Variants in CYYR1 observed in about 807,000 individuals in gnomAD.
CYYR1 encodes cysteine and tyrosine rich 1, also known as cysteine and tyrosine-rich protein 1.
Under a neutral mutation model 15.2 loss-of-function variants are expected in CYYR1, and 14 were observed. The ratio of observed to expected loss-of-function variants is 0.92; its 90% CI spans 0.61 to 1.44. CYYR1 has a LOEUF of 1.44. CYYR1 is among the 40% of genes most tolerant of loss of function. The pLI is 0.00. For synonymous variants in CYYR1, 80 were observed against 77.4 expected (o/e 1.03, Z -0.18); for missense variants, 228 against 209.5 (o/e 1.09, Z -0.54).
intron 3 of CYYR1, among the ~76,000 whole-genome samples, chr21:26,469,679 T>A (rs549808093): frequency 1.3e-5 from 2 of 152,272 alleles, no homozygotes; most frequent in East Asian, 3.9e-4. Context: ...ATATTATTGT[T>A]GACTATAGTC....
chr21:26,540,320 C>T (rs532225975), intron 2 of CYYR1, among the ~76,000 whole-genome samples: 2 of 152,270 alleles, frequency 1.3e-5, no homozygotes, highest in Admixed American at 6.5e-5. Context: ...GAGTAGCGTT[C>T]CATTGATAAG....
At chr21:26,499,781 G>A (rs941409651) in intron 2 of CYYR1, among the ~76,000 whole-genome samples, 3 of 151,860 alleles carry the variant, frequency 2.0e-5, no homozygotes, top group Non-Finnish European at 4.4e-5. Context: ...TTTTTGAGCA[G>A]TGGAAAGGAA....
intron 2 of CYYR1, among the ~76,000 whole-genome samples, chr21:26,539,884 A>G (rs1014525810): frequency 3.3e-5 from 5 of 152,198 alleles, no homozygotes; most frequent in African/African-American, 9.7e-5. Flanking sequence ...TGATGCATTC[A>G]TAAGTAGCAT....
chr21:26,564,859 T>A (rs1052254497), intron 2 of CYYR1: 48 of 1,132,178 alleles, frequency 4.2e-5, no homozygotes, highest in South Asian at 9.1e-5. Context: ...AAAAAAAAAA[T>A]TTAAATTTAT....
Position 26,480,162 on chromosome 21 carries a change from T to C in CYYR1, c.334+110A>G. ...AATCTACATGTACCTAGAAATACTC[T>C]ATGAAATTGAAGGTGGTTTCATTGA... On this transcript the variant is annotated intron_variant, in intron 3 of 3. Transcript: ENST00000652641. 1.5e-5 allele frequency: 16 copies of C among 1,096,436 alleles called. No individual in the cohort carries two copies. The South Asian group carries it at 2.9e-4, about 20-fold the overall frequency. The allele number at this position is 1,096,436 out of a possible 1,614,324, so 67.9% of individuals were successfully genotyped here. A position where few individuals can be genotyped will look rare whatever the true frequency, so the allele number is the denominator to read the frequency against.
At chr21:26,470,998 TAC>T (rs2065026032) in intron 3 of CYYR1, 1 of 152,218 alleles carries the variant, frequency 6.6e-6, no homozygotes. Context: ...GATGCATATA[TAC>T]AGTTTCCCCA....
At chr21:26,568,262 G>A (rs1479686409) in intron 1 of CYYR1, 1 of 151,996 alleles carries the variant, frequency 6.6e-6, no homozygotes, top group African/African-American at 2.4e-5. Context: ...TTATCCCAAG[G>A]GCTTAGTGGG....
chr21:26,565,580 GAGGC>G (rs1980557854), intron 2 of CYYR1, among the ~76,000 whole-genome samples: 1 of 152,140 alleles, frequency 6.6e-6, no homozygotes, highest in South Asian at 2.1e-4. Context: ...TACAGCCCTG[GAGGC>G]AGGTCCAGCT....
At chr21:26,493,349 G>C (rs2065353608) in intron 2 of CYYR1, among the ~76,000 whole-genome samples, 1 of 152,104 alleles carries the variant, frequency 6.6e-6, no homozygotes, top group African/African-American at 2.4e-5. Context: ...ACTGCATCCA[G>C]GCATTCTAAT....
chr21:26,519,987 C>A (rs1442532768), intron 2 of CYYR1, among the ~76,000 whole-genome samples: 1 of 151,596 alleles, frequency 6.6e-6, no homozygotes, highest in African/African-American at 2.4e-5. Context: ...ACCCAAATGT[C>A]CATCAATGAC....
At chr21:26,498,938 C>G (rs940515205) in intron 2 of CYYR1, among the ~76,000 whole-genome samples, 1 of 152,174 alleles carries the variant, frequency 6.6e-6, no homozygotes, top group African/African-American at 2.4e-5. Flanking sequence ...GTCCCTCCCA[C>G]AACACATGGG....
At chr21:26,559,855 T>G (rs1980077994) in intron 2 of CYYR1, among the ~76,000 whole-genome samples, 1 of 152,206 alleles carries the variant, frequency 6.6e-6, no homozygotes, top group Non-Finnish European at 1.5e-5. Flanking sequence ...AACTTTATAA[T>G]AAATCTTGAT....
chr21:26,472,086 A>G (rs1345902461), intron 3 of CYYR1, among the ~76,000 whole-genome samples: 1 of 152,204 alleles, frequency 6.6e-6, no homozygotes, highest in Non-Finnish European at 1.5e-5. Context: ...CCCCAATTTA[A>G]CAAATCATAT....
chr21:26,527,277 G>A (rs749396116), intron 2 of CYYR1, among the ~76,000 whole-genome samples: 3 of 152,098 alleles, frequency 2.0e-5, no homozygotes, highest in Non-Finnish European at 4.4e-5. Flanking sequence ...AATAAACTAG[G>A]GTTTGGAATT....
chr21:26,539,513 A>G (rs1978397312), intron 2 of CYYR1, among the ~76,000 whole-genome samples: 1 of 152,226 alleles, frequency 6.6e-6, no homozygotes, highest in Admixed American at 6.5e-5. Flanking sequence ...TGAGAAGTCT[A>G]ACTCCTATTT....
intron 2 of CYYR1, among the ~76,000 whole-genome samples, chr21:26,536,751 T>A (rs1978305755): frequency 6.6e-6 from 1 of 151,556 alleles, no homozygotes; most frequent in African/African-American, 2.4e-5. Context: ...CACCACTGCA[T>A]CACAGTCCTT....
Position 26,572,962 on chromosome 21 carries a change from T to G in CYYR1, c.-22A>C. ...CCATCCAAGCCGGTGGCCTGAGGCT[T>G]GGAGCGAAGGGAGAGCCCGGAACCG... is the stretch of plus-strand genomic sequence containing the variant. On this transcript the variant is annotated 5_prime_UTR_variant, in exon 1 of 4. Transcript: ENST00000652641. The G allele has an allele frequency of 6.2e-7, 1 of 1,613,370 alleles. No individual in the cohort carries two copies. The highest frequency in any genetic ancestry group is 1.1e-5 in the South Asian group (1 of 90,990).
intron 2 of CYYR1, among the ~76,000 whole-genome samples, chr21:26,544,534 G>A (rs222952): frequency 0.024 from 3,665 of 152,204 alleles, 55 homozygotes; most frequent in African/African-American, 0.031. Flanking sequence ...TAAGAATGCC[G>A]TGTTTATAAA....
At chr21:26,566,199 A>G in intron 2 of CYYR1, 67 bp downstream of exon 2, 1 of 1,209,976 alleles carries the variant, frequency 8.3e-7, no homozygotes, top group Non-Finnish European at 1.2e-6. Flanking sequence ...AGTACTTTTA[A>G]AAGACATAAC....
Sources: allele counts gnomAD v4.1 joint callset (sites outside exome capture counted in the v4.1 genomes callset), GRCh38; gene constraint gnomAD v4.1.1; transcripts MANE v1.5; gene names NCBI Gene and HGNC (gene_info 2026-07-23, HGNC 2026-07-21).